WDR27: variants seen among roughly 807,000 people sequenced by gnomAD.
The protein encoded by WDR27 is WD repeat-containing protein 27.
Under a neutral mutation model 114.4 loss-of-function variants are expected in WDR27, and 100 were observed. The ratio of observed to expected loss-of-function variants is 0.87; its 90% CI spans 0.74 to 1.03. The LOEUF is 1.03. WDR27 is among the 50% of genes least tolerant of loss of function. The probability of loss-of-function intolerance (pLI) is 0.00; values close to 1 mark genes in which losing one functional copy is unlikely to be tolerated. For missense variants in WDR27, 1,129 were observed against 1,092.9 expected, an observed-to-expected ratio of 1.03 and a Z score of -0.47; for synonymous variants, 449 against 423.1, an observed-to-expected ratio of 1.06 and a Z score of -0.75.
intron 13 of WDR27, among the ~76,000 whole-genome samples, chr6:169,657,187 G>A (rs1048939214): frequency 9.8e-5 from 15 of 152,310 alleles, no homozygotes; most frequent in Admixed American, 2.6e-4. Flanking sequence ...CTGAGTCCCC[G>A]CCTTCCACCT....
chr6:169,655,066 G>A (rs1584939684), intron 13 of WDR27, among the ~76,000 whole-genome samples: 1 of 152,220 alleles, frequency 6.6e-6, no homozygotes, highest in Non-Finnish European at 1.5e-5. Flanking sequence ...CCTCGCTTTG[G>A]GTTTTCTGCC....
rs571284483 is a variant in WDR27, at chr6:169,505,148, T to G, written c.2646-47514A>C. ...AAGTAAATTTTCCTTTGGAGATGAA[T>G]GTAGATCATATAAAATCCTATCAAC... is the stretch of plus-strand genomic sequence containing the variant. On this transcript the variant is annotated intron_variant, in intron 25 of 25. Coordinates refer to ENST00000448612, the MANE Select transcript of WDR27 (RefSeq NM_182552.5). Among the ~76,000 whole-genome samples, 7 of 152,298 alleles carry G rather than the reference T, an allele frequency of 4.6e-5. No individual in the cohort carries two copies. The East Asian group carries it at 1.3e-3, about 29-fold the overall frequency.
intron 2 of WDR27, among the ~76,000 whole-genome samples, chr6:169,680,458 T>A (rs1247892610): frequency 6.6e-6 from 1 of 152,138 alleles, no homozygotes; most frequent in Non-Finnish European, 1.5e-5. Context: ...GATGGCCGCC[T>A]GTAGTCCCAG....
intron 25 of WDR27, among the ~76,000 whole-genome samples, chr6:169,510,332 G>A (rs1326121190): frequency 1.3e-5 from 2 of 151,908 alleles, no homozygotes; most frequent in South Asian, 2.1e-4. Flanking sequence ...ACATGCACAC[G>A]TATGTTTATT....
At chr6:169,493,888 A>G (rs1447031816) in intron 25 of WDR27, among the ~76,000 whole-genome samples, 1 of 152,190 alleles carries the variant, frequency 6.6e-6, no homozygotes. Flanking sequence ...AAAATAACTC[A>G]ATCTCTTACC....
At chr6:169,611,021 A>G (rs1020678923) in intron 22 of WDR27, among the ~76,000 whole-genome samples, 2 of 152,138 alleles carry the variant, frequency 1.3e-5, no homozygotes, top group African/African-American at 4.8e-5. Context: ...ACCAAAAGCC[A>G]CTTGTACCCC....
intron 23 of WDR27, among the ~76,000 whole-genome samples, chr6:169,584,558 CACA>C (rs1562633159): frequency 1.3e-5 from 2 of 152,198 alleles, no homozygotes; most frequent in Non-Finnish European, 2.9e-5. Context: ...TTCACACCCT[CACA>C]ACATTTGCTA....
chr6:169,569,461 T>C (rs991388986), intron 25 of WDR27, among the ~76,000 whole-genome samples: 1 of 152,212 alleles, frequency 6.6e-6, no homozygotes, highest in Non-Finnish European at 1.5e-5. Flanking sequence ...TCATTTTAAA[T>C]GTACTATATA....
At chr6:169,621,386 G>A (rs1366629086) in intron 21 of WDR27, among the ~76,000 whole-genome samples, 1 of 137,296 alleles carries the variant, frequency 7.3e-6, no homozygotes, top group Non-Finnish European at 1.5e-5. Context: ...GTAGACATAC[G>A]CACACACATG....
intron 25 of WDR27, among the ~76,000 whole-genome samples, chr6:169,460,880 C>T (rs1037887805): frequency 6.6e-6 from 1 of 152,022 alleles, no homozygotes; most frequent in Non-Finnish European, 1.5e-5. Context: ...AGCAGACCTG[C>T]ACAGTTTGAA....
At chr6:169,430,736 C>T in the WDR27 span, among the ~76,000 whole-genome samples, 3 of 152,210 alleles carry the variant, frequency 2.0e-5, no homozygotes, top group Non-Finnish European at 4.4e-5. Context: ...TATAAAGAAC[C>T]TTGTAAGCTG....
chr6:169,599,853 A>G (rs1389704977), intron 23 of WDR27, among the ~76,000 whole-genome samples: 1 of 151,944 alleles, frequency 6.6e-6, no homozygotes, highest in African/African-American at 2.4e-5. Context: ...TTGTGATGTT[A>G]GGGTGTCAAT....
chr6:169,460,812 T>C (rs1402452444), intron 25 of WDR27, among the ~76,000 whole-genome samples: 3 of 152,126 alleles, frequency 2.0e-5, no homozygotes, highest in African/African-American at 7.2e-5. Flanking sequence ...ATATGCGAGT[T>C]TTACATCCCA....
intron 2 of WDR27, among the ~76,000 whole-genome samples, chr6:169,673,360 C>G (rs1779253218): frequency 6.6e-6 from 1 of 151,852 alleles, no homozygotes; most frequent in African/African-American, 2.4e-5. Context: ...CTCATTAGTA[C>G]CAATCCTACT....
At chr6:169,492,450 G>A (rs998631099) in intron 25 of WDR27, among the ~76,000 whole-genome samples, 3 of 152,124 alleles carry the variant, frequency 2.0e-5, no homozygotes, top group African/African-American at 7.2e-5. Flanking sequence ...AATATTTGAA[G>A]AAGTAAAGGA....
Position 169,659,098 on chromosome 6 carries a change from G to A in WDR27, c.1307C>T (p.Ser436Leu), listed in dbSNP as rs201047626. The A allele has an allele frequency of 6.1e-4, 951 of 1,560,122 alleles. 4 individuals are homozygous for A. In the African/African-American group the frequency reaches 0.011, roughly 18 times the overall value. Reference sequence around the variant, plus strand: ...GAAGACACTCTACCTGGCTGGCACCGAGAGGCTCTGCCCCATGCTGGGGCA... The same window carrying A: ...GAAGACACTCTACCTGGCTGGCACCAAGAGGCTCTGCCCCATGCTGGGGCA... ...QQCPSMGQSL[S>L]VPASSCVLPT... The change falls in exon 12 of 26, where the codon TCG becomes TTG. Residue 436 changes from serine to leucine, a missense_variant. Ser to Leu is a moderately radical substitution (Grantham distance 145, BLOSUM62 -2). Coordinates refer to ENST00000448612, the MANE Select transcript of WDR27 (RefSeq NM_182552.5). The surrounding 1 kb of genome is among the most constrained non-coding windows in gnomAD (Gnocchi z 4.3).
chr6:169,634,642 T>A, intron 19 of WDR27, 117 bp from the exon 20 acceptor site: 1 of 651,568 alleles, frequency 1.5e-6, no homozygotes, highest in Non-Finnish European at 2.6e-6. Context: ...TTAAAAATCA[T>A]ATTTTATGAT....
chr6:169,556,402 C>A (rs1396890643), intron 25 of WDR27, among the ~76,000 whole-genome samples: 1 of 152,166 alleles, frequency 6.6e-6, no homozygotes, highest in African/African-American at 2.4e-5. Context: ...AACCCTGACT[C>A]GTGACCCACA....
intron 23 of WDR27, among the ~76,000 whole-genome samples, chr6:169,597,335 GT>G (rs376259785): frequency 1.3e-5 from 2 of 149,874 alleles, no homozygotes; most frequent in African/African-American, 2.5e-5. Flanking sequence ...TTTCTATTAT[GT>G]TTTTTTTTCT....
Sources: gnomAD v4.1 joint callset for allele counts (sites outside exome capture counted in the v4.1 genomes callset) on GRCh38, gnomAD v4.1.1 for gene constraint, Gnocchi (gnomAD v3.1) non-coding constraint, MANE v1.5 for transcripts, NCBI Gene and HGNC (gene_info 2026-07-23, HGNC 2026-07-21) for gene names.